The following WDR72 variants were observed in gnomAD, a reference collection of about 807,000 sequenced individuals.
The protein encoded by WDR72 is WD repeat domain 72.
WDR72 carries 120 observed loss-of-function variants against 124.2 expected under a neutral mutation model. The ratio of observed to expected loss-of-function variants is 0.97; its 90% CI spans 0.83 to 1.12. The LOEUF is 1.12. Among genes scored for constraint, WDR72 ranks in the 50% most tolerant of loss-of-function variants. WDR72 has a pLI of 0.00. For missense variants in WDR72, 1,387 were observed against 1,278.8 expected (o/e 1.08, Z -1.29); for synonymous variants, 452 against 441.7 (o/e 1.02, Z -0.29).
intron 13 of WDR72, among the ~76,000 whole-genome samples, chr15:53,682,373 G>A (rs1156863378): frequency 6.6e-6 from 1 of 152,136 alleles, no homozygotes; most frequent in African/African-American, 2.4e-5. Context: ...GATGTACACT[G>A]GGTCTTGTCT....
rs200326734 is a variant in WDR72, at chr15:53,615,830, T to C, written c.2376A>G (p.Ile792Met). The change falls in exon 15 of 20, where the codon ATA becomes ATG. Residue 792 changes from isoleucine (I) to methionine (M), a missense_variant. Physicochemically the swap from Ile to Met is conservative, Grantham distance 10. Transcript: ENST00000360509. ...PSRKVDASLT[I>M]DTAKLFLSCL... Reference sequence around the variant, plus strand: ...AAGACAGAAACAATTTTGCTGTGTCTATTGTGAGACTGGCATCTACTTTTC... The same window carrying C: ...AAGACAGAAACAATTTTGCTGTGTCCATTGTGAGACTGGCATCTACTTTTC... 17 of 1,613,662 alleles carry C rather than the reference T, an allele frequency of 1.1e-5. No individual in the cohort carries two copies. The East Asian group carries it at 3.8e-4, about 36-fold the overall frequency.
Position 53,622,776 on chromosome 15 carries a change from GAACTA to G in WDR72, c.1963-6538_1963-6534del, listed in dbSNP as rs200002566. Among the ~76,000 whole-genome samples, 50 of 148,340 alleles carry G rather than the reference GAACTA, an allele frequency of 3.4e-4. 1 individual carries two copies. The highest frequency in any genetic ancestry group is 1.1e-3 in the African/African-American group (42 of 37,896). ...CTGTACATCCTGCATATGTATCCCA[GAACTA>G]AACTAAACTAAACTAAACTAAAATA... On this transcript the variant is annotated intron_variant, in intron 14 of 19. Transcript: ENST00000360509.
chr15:53,613,651 C>T lies in WDR72; in HGVS notation c.2872+15G>A. On this transcript the variant is annotated intron_variant, in intron 16 of 19. Transcript: ENST00000360509. ...AAAAAAAATCAGATCATATCTGTGC[C>T]AGTAACTCTCTTACCATTTCGTAAG... The T allele has an allele frequency of 6.4e-7, 1 of 1,572,964 alleles. No individual in the cohort carries two copies.
intron 1 of WDR72, among the ~76,000 whole-genome samples, chr15:53,740,765 A>G (rs1208033827): frequency 3.9e-5 from 6 of 152,198 alleles, no homozygotes; most frequent in Non-Finnish European, 2.9e-5. Flanking sequence ...ATACCAAAAG[A>G]GAGGGAGTGG....
At chr15:53,717,234 C>A (rs763787967) in intron 3 of WDR72, among the ~76,000 whole-genome samples, 31 of 152,062 alleles carry the variant, frequency 2.0e-4, no homozygotes, top group Non-Finnish European at 8.8e-5. Context: ...TTTGAAAACT[C>A]TTACTTCGTT....
chr15:53,543,455 A>T (rs1893262911), intron 18 of WDR72, among the ~76,000 whole-genome samples: 1 of 152,096 alleles, frequency 6.6e-6, no homozygotes. Flanking sequence ...ACGAGAACAA[A>T]GACACAACAT....
At chr15:53,631,648 G>T (rs1003760120) in intron 14 of WDR72, among the ~76,000 whole-genome samples, 1 of 152,198 alleles carries the variant, frequency 6.6e-6, no homozygotes, top group Admixed American at 6.5e-5. Flanking sequence ...GGACGGTGAA[G>T]GCCAGGCTGA....
In WDR72 at chr15:53,546,406, T is replaced by G. The variant is rs28760995; in HGVS notation, c.3149-23084A>C. ...GGAAATCATCATTCTCAGTAAACTA[T>G]CGCAAGAACAAAAAACCAAACACCG... On this transcript the variant is annotated intron_variant, in intron 18 of 19. Coordinates refer to ENST00000360509, the MANE Select transcript of WDR72 (RefSeq NM_182758.4). Among the ~76,000 whole-genome samples the G allele has an allele frequency of 7.3e-3, 1,099 of 149,844 alleles. 14 individuals carry two copies. Among genetic ancestry groups the G allele is most frequent in the African/African-American group, 0.026 (1,063 of 40,412 alleles).
intron 2 of WDR72, among the ~76,000 whole-genome samples, chr15:53,726,558 C>T (rs1445973175): frequency 6.6e-6 from 1 of 152,058 alleles, no homozygotes; most frequent in Non-Finnish European, 1.5e-5. Flanking sequence ...AATATCGATG[C>T]TGGCCAAGCA....
At chr15:53,638,976 C>A (rs148165312) in intron 14 of WDR72, among the ~76,000 whole-genome samples, 1 of 151,702 alleles carries the variant, frequency 6.6e-6, no homozygotes, top group Non-Finnish European at 1.5e-5. Context: ...CCAGCCTGGG[C>A]ATCTCAAGAA....
At chr15:53,568,727 C>A (rs1417989260) in intron 18 of WDR72, among the ~76,000 whole-genome samples, 3 of 152,036 alleles carry the variant, frequency 2.0e-5, no homozygotes, top group Non-Finnish European at 4.4e-5. Flanking sequence ...GACCACTGAT[C>A]ATCTCTAGCA....
intron 2 of WDR72, among the ~76,000 whole-genome samples, chr15:53,724,194 C>A (rs2140581973): frequency 6.6e-6 from 1 of 152,220 alleles, no homozygotes; most frequent in Non-Finnish European, 1.5e-5. Flanking sequence ...GGTACAAACA[C>A]TGAATTACAC....
At chr15:53,760,907 T>C (rs2140910363), upstream of WDR72, among the ~76,000 whole-genome samples, 1 of 152,252 alleles carries the variant, frequency 6.6e-6, no homozygotes, top group African/African-American at 2.4e-5. Flanking sequence ...GCAAATCACT[T>C]GAAGTCAGGA....
chr15:53,591,037 A>AATT, intron 18 of WDR72, among the ~76,000 whole-genome samples: 1 of 151,870 alleles, frequency 6.6e-6, no homozygotes, highest in East Asian at 1.9e-4. Flanking sequence ...AAGGGCATAA[A>AATT]TGGCTTCAGT....
chr15:53,762,774 C>T (rs560932188), upstream of WDR72: 6 of 152,348 alleles, frequency 3.9e-5, 1 homozygote, highest in African/African-American at 1.4e-4. Context: ...CTCAGCCTCT[C>T]TGTGTCTCAG....
chr15:53,621,505 T>C (rs2013993440), intron 14 of WDR72, among the ~76,000 whole-genome samples: 1 of 148,056 alleles, frequency 6.8e-6, no homozygotes, highest in Non-Finnish European at 1.5e-5. Flanking sequence ...CTGGATGAGA[T>C]TGGAGACTAT....
chr15:53,710,935 T>C lies in WDR72; in HGVS notation c.876A>G (p.Ile292Met), dbSNP rs564342414. ...QLLNSGLSKS[I>M]YPADGRVLKE... ...TAAGCACTCTTCCATCAGCAGGGTA[T>C]ATGCTTTTTGAAAGCCCACTGCGTG... is the stretch of plus-strand genomic sequence containing the variant. Residue 292 changes from isoleucine (I) to methionine (M), a missense_variant, in exon 9 of 20, where the codon ATA becomes ATG. Transcript: ENST00000360509. 11 of 1,613,730 alleles carry C rather than the reference T, an allele frequency of 6.8e-6. No individual in the cohort carries two copies. The South Asian group carries it at 8.8e-5, about 13-fold the overall frequency.
chr15:53,668,507 T>C (rs149778513), intron 13 of WDR72, among the ~76,000 whole-genome samples: 371 of 152,304 alleles, frequency 2.4e-3, no homozygotes, highest in African/African-American at 8.5e-3. Context: ...GCTTGCTTTG[T>C]GAAAATGAAT....
chr15:53,748,047 T>C (rs1050292763), intron 1 of WDR72, among the ~76,000 whole-genome samples: 4 of 152,076 alleles, frequency 2.6e-5, no homozygotes, highest in African/African-American at 9.7e-5. Context: ...AGACCATTCT[T>C]AAGTAAATTC....
Sources: allele counts gnomAD v4.1 joint callset (sites outside exome capture counted in the v4.1 genomes callset), GRCh38; gene constraint gnomAD v4.1.1; transcripts MANE v1.5; gene names NCBI Gene and HGNC (gene_info 2026-07-23, HGNC 2026-07-21).